UNC13C: variants seen among roughly 807,000 people sequenced by gnomAD.
UNC13C encodes the protein unc-13 homolog C.
UNC13C carries 174 observed loss-of-function variants against 245.4 expected under a neutral mutation model. The ratio of observed to expected loss-of-function variants is 0.71; its 90% CI spans 0.63 to 0.80. The LOEUF (loss-of-function observed/expected upper bound fraction) is 0.80, where lower values mean the gene tolerates loss of function less well. Ranked by LOEUF, UNC13C falls within the 30% of genes least tolerant of loss-of-function variation. The pLI is 0.00. For synonymous variants in UNC13C, 992 were observed against 895.1 expected, an observed-to-expected ratio of 1.11 and a Z score of -1.93; for missense variants, 2,829 against 2,602.9, an observed-to-expected ratio of 1.09 and a Z score of -1.89.
At chr15:54,419,240 A>T (rs985024010) in intron 19 of UNC13C, among the ~76,000 whole-genome samples, 4 of 152,168 alleles carry the variant, frequency 2.6e-5, no homozygotes, top group African/African-American at 2.4e-5. Context: ...AGATGAATAC[A>T]TCAGAGTAGG....
At chr15:53,931,150 T>G in the UNC13C span, among the ~76,000 whole-genome samples, 1 of 151,960 alleles carries the variant, frequency 6.6e-6, no homozygotes, top group Non-Finnish European at 1.5e-5. Flanking sequence ...TTGATTTATT[T>G]ATTTATTTTT....
chr15:54,007,209 C>A (rs1032616657), intron 1 of UNC13C, among the ~76,000 whole-genome samples: 17 of 152,226 alleles, frequency 1.1e-4, no homozygotes, highest in African/African-American at 4.1e-4. Context: ...TAATTCTAAT[C>A]CTAACACAGT....
chr15:54,466,605 A>G (rs1028366064), intron 19 of UNC13C, among the ~76,000 whole-genome samples: 4 of 151,868 alleles, frequency 2.6e-5, no homozygotes, highest in African/African-American at 9.7e-5. Context: ...AGGATGTTGC[A>G]TCTTTAAGAC....
At chr15:54,100,531 A>G (rs1327760324) in intron 2 of UNC13C, among the ~76,000 whole-genome samples, 1 of 152,034 alleles carries the variant, frequency 6.6e-6, no homozygotes, top group East Asian at 1.9e-4. Flanking sequence ...TACACTCTCT[A>G]TGTGATTCCA....
At chr15:54,112,561 G>A (rs2029889985) in intron 2 of UNC13C, among the ~76,000 whole-genome samples, 1 of 152,214 alleles carries the variant, frequency 6.6e-6, no homozygotes, top group African/African-American at 2.4e-5. Flanking sequence ...GAACTGTCAT[G>A]TTGAATATGT....
chr15:54,463,232 C>G (rs1023151796), intron 19 of UNC13C, among the ~76,000 whole-genome samples: 2 of 104,156 alleles, frequency 1.9e-5, no homozygotes, highest in Non-Finnish European at 3.7e-5. Flanking sequence ...CCAATCGGCT[C>G]TCAGTAAAAT....
At chr15:54,136,273 G>A (rs2031726497) in intron 2 of UNC13C, among the ~76,000 whole-genome samples, 1 of 152,062 alleles carries the variant, frequency 6.6e-6, no homozygotes, top group Non-Finnish European at 1.5e-5. Flanking sequence ...GAGTAGCTGG[G>A]GCTATAGGCA....
chr15:53,983,800 G>A (rs1182488487), intron 1 of UNC13C, among the ~76,000 whole-genome samples: 1 of 151,760 alleles, frequency 6.6e-6, no homozygotes, highest in Non-Finnish European at 1.5e-5. Context: ...CAAAAGTCAA[G>A]AAATTCAGCT....
chr15:54,409,238 A>G (rs1033808228), intron 18 of UNC13C, among the ~76,000 whole-genome samples: 33 of 149,162 alleles, frequency 2.2e-4, no homozygotes, highest in African/African-American at 8.2e-4. Context: ...TTTTCCTTTC[A>G]TTTCTTCTAT....
intron 4 of UNC13C, among the ~76,000 whole-genome samples, chr15:54,179,496 C>T (rs1042925034): frequency 3.3e-5 from 5 of 151,800 alleles, no homozygotes; most frequent in African/African-American, 1.2e-4. Context: ...ACTATTAAGT[C>T]CTTATTGGAT....
chr15:54,143,050 C>G lies in UNC13C; in HGVS notation c.3006+10C>G. Reference sequence around the variant, plus strand: ...TTCTGTGGATGAAAAGGTTTTAAATCATACTTATTCTTCCCTCCTGAGGAA... The same window carrying G: ...TTCTGTGGATGAAAAGGTTTTAAATGATACTTATTCTTCCCTCCTGAGGAA... On this transcript the variant is annotated intron_variant, in intron 3 of 32. Coordinates refer to ENST00000260323, the MANE Select transcript of UNC13C (RefSeq NM_001080534.3). The G allele has an allele frequency of 6.2e-7, 1 of 1,609,110 alleles. No individual in the cohort carries two copies. Among genetic ancestry groups the G allele is most frequent in the Non-Finnish European group, 8.5e-7 (1 of 1,177,334 alleles).
Position 54,430,936 on chromosome 15 carries a change from T to G in UNC13C, c.4933+15869T>G, listed in dbSNP as rs149192877. ...GTGATCCAAGTCTTCCCACGGGAAA[T>G]TTCAGATGTCATGAACCATGTTGCA... On this transcript the variant is annotated intron_variant, in intron 19 of 32. Coordinates refer to ENST00000260323, the MANE Select transcript of UNC13C (RefSeq NM_001080534.3). Among the ~76,000 whole-genome samples the G allele has an allele frequency of 8.8e-4, 134 of 151,796 alleles. 1 individual carries two copies. The East Asian group carries it at 0.021, about 24-fold the overall frequency.
intron 24 of UNC13C, among the ~76,000 whole-genome samples, chr15:54,523,068 C>G (rs1405954899): frequency 1.3e-5 from 2 of 152,246 alleles, no homozygotes; most frequent in East Asian, 3.9e-4. Context: ...TAAAAATATG[C>G]TATTGATAAT....
At chr15:54,349,843 A>T (rs2038940640) in intron 17 of UNC13C, among the ~76,000 whole-genome samples, 1 of 152,196 alleles carries the variant, frequency 6.6e-6, no homozygotes, top group African/African-American at 2.4e-5. Flanking sequence ...GATCCATAAA[A>T]TGTAGTGGGT....
chr15:53,988,384 G>A (rs555651453), intron 1 of UNC13C, among the ~76,000 whole-genome samples: 1 of 151,866 alleles, frequency 6.6e-6, no homozygotes, highest in African/African-American at 2.4e-5. Flanking sequence ...CAGACAAAAT[G>A]CTTATGGGAC....
At chr15:54,325,530 A>T (rs144505152) in intron 14 of UNC13C, among the ~76,000 whole-genome samples, 2 of 151,936 alleles carry the variant, frequency 1.3e-5, no homozygotes, top group Non-Finnish European at 2.9e-5. Flanking sequence ...CATTTACATT[A>T]GGTGTTTCTC....
In UNC13C at chr15:54,003,243, AAACAATACCTTAT is replaced by A. The variant is rs534465137; in HGVS notation, c.-256-9399_-256-9387del. On this transcript the variant is annotated intron_variant, in intron 1 of 32. Coordinates refer to ENST00000260323, the MANE Select transcript of UNC13C (RefSeq NM_001080534.3). The stretch of plus-strand genomic sequence containing the variant: ...GTTTCTGAGGATAAAAATCAAAACA[AAACAATACCTTAT>A]AACAAAAAAACTCATCTTTGAAATG... Among the ~76,000 whole-genome samples the A allele has an allele frequency of 1.0e-3, 153 of 152,334 alleles. 1 individual carries two copies. The South Asian group carries it at 0.031, about 31-fold the overall frequency.
chr15:54,032,121 C>G (rs1312971170), intron 2 of UNC13C, among the ~76,000 whole-genome samples: 1 of 152,148 alleles, frequency 6.6e-6, no homozygotes, highest in Non-Finnish European at 1.5e-5. Context: ...CTTTGCAGTT[C>G]AGGGTCAGAT....
intron 2 of UNC13C, among the ~76,000 whole-genome samples, chr15:54,117,867 T>C (rs1247834583): frequency 2.6e-5 from 4 of 152,108 alleles, no homozygotes; most frequent in African/African-American, 4.8e-5. Context: ...AAACATGTAC[T>C]ACCACGCCTG....
Sources: gnomAD v4.1 joint callset for allele counts (sites outside exome capture counted in the v4.1 genomes callset) on GRCh38, gnomAD v4.1.1 for gene constraint, MANE v1.5 for transcripts, NCBI Gene and HGNC (gene_info 2026-07-23, HGNC 2026-07-21) for gene names.